Variants in ANKRD18B observed in about 807,000 individuals in gnomAD.
The protein encoded by ANKRD18B is ankyrin repeat domain-containing protein 18B.
Under a neutral mutation model 111.8 loss-of-function variants are expected in ANKRD18B, and 75 were observed. The observed-to-expected ratio is 0.67, with a 90% CI of 0.56 to 0.81. ANKRD18B has a LOEUF of 0.81. Ranked by LOEUF, ANKRD18B falls within the 40% of genes least tolerant of loss-of-function variation. The pLI is 0.00. For synonymous variants in ANKRD18B, 356 were observed against 417.3 expected, an observed-to-expected ratio of 0.85 and a Z score of 1.79; for missense variants, 1,038 against 1,225.5, an observed-to-expected ratio of 0.85 and a Z score of 2.28.
In ANKRD18B at chr9:33,541,159, T is replaced by C; in HGVS notation, c.1010T>C (p.Met337Thr). Residue 337 changes from methionine (M) to threonine (T), a missense_variant, in exon 9 of 19, where the codon ATG becomes ACG. Met to Thr is a moderately conservative substitution (Grantham distance 81, BLOSUM62 -1). Around this residue, in one of 4 missense-constraint regions of ANKRD18B, gnomAD observed 93 missense variants for 141.3 expected, o/e 0.66. Coordinates refer to ENST00000684830, the MANE Select transcript of ANKRD18B (RefSeq NM_001393611.1). ...HMRPCPETAAMKPENLKKRKK... is the reference protein window; with the variant it reads ...HMRPCPETAATKPENLKKRKK... ...GCGTGTTTGACAGAAACAGCAGCTA[T>C]GAAGCCTGAAAATTTGAAAAAAAGA... is the stretch of plus-strand genomic sequence containing the variant. 6.5e-7 allele frequency: 1 copy of C among 1,542,318 alleles called. No individual in the cohort carries two copies. The highest frequency in any genetic ancestry group is 8.7e-7 in the Non-Finnish European group (1 of 1,144,862).
At chr9:33,535,750 TTTATATTTAATATTTATA>T in intron 5 of ANKRD18B, among the ~76,000 whole-genome samples, 1 of 145,816 alleles carries the variant, frequency 6.9e-6, no homozygotes, top group East Asian at 2.0e-4. Flanking sequence ...ATTTTATATT[TTTATATTTAATATTTATA>T]TTATCATTAT....
chr9:33,559,290 GA>G (rs1828572483), intron 14 of ANKRD18B, among the ~76,000 whole-genome samples: 1 of 152,156 alleles, frequency 6.6e-6, no homozygotes, highest in Non-Finnish European at 1.5e-5. Context: ...ACTTCTTACA[GA>G]TGCAAATTCC....
chr9:33,534,471 C>T lies in ANKRD18B; in HGVS notation c.704C>T (p.Thr235Ile). Reference protein sequence around the residue: ...HISSQDMFGQTAEDYAFCCDL... With the variant: ...HISSQDMFGQIAEDYAFCCDL... The stretch of plus-strand genomic sequence containing the variant: ...TCTTCTCAAGACATGTTTGGCCAAA[C>T]TGCCGAGGATTATGCTTTTTGTTGT... Residue 235 changes from threonine (T) to isoleucine (I), a missense_variant, in exon 5 of 19, where the codon ACT becomes ATT. Thr to Ile is a moderately conservative substitution (Grantham distance 89). Transcript: ENST00000684830. 3 of 1,550,284 alleles carry T rather than the reference C, an allele frequency of 1.9e-6. No homozygotes were observed. Among genetic ancestry groups the T allele is most frequent in the Non-Finnish European group, 1.7e-6 (2 of 1,146,628 alleles).
intron 1 of ANKRD18B, among the ~76,000 whole-genome samples, chr9:33,525,403 A>G (rs1159700232): frequency 6.6e-6 from 1 of 152,240 alleles, no homozygotes; most frequent in Non-Finnish European, 1.5e-5. Flanking sequence ...TAAGATATAT[A>G]CATAGGGATT....
At chr9:33,559,680 C>T (rs1358901544) in intron 14 of ANKRD18B, among the ~76,000 whole-genome samples, 1 of 152,024 alleles carries the variant, frequency 6.6e-6, no homozygotes, top group Non-Finnish European at 1.5e-5. Context: ...ATATATTTTT[C>T]TATACAAAAG....
intron 18 of ANKRD18B, 62 bp from the exon 19 acceptor site, chr9:33,572,254 C>A (rs1351174089): frequency 2.3e-6 from 3 of 1,326,916 alleles, no homozygotes; most frequent in Admixed American, 3.8e-5. Context: ...ACATTTTAAA[C>A]TTACACTTCG....
At chr9:33,555,073 C>A (rs1304972029) in intron 12 of ANKRD18B, among the ~76,000 whole-genome samples, 1 of 145,302 alleles carries the variant, frequency 6.9e-6, no homozygotes, top group Non-Finnish European at 1.5e-5. Flanking sequence ...CTGGATGAGA[C>A]CCTGTGTCAT....
intron 1 of ANKRD18B, 108 bp downstream of exon 1, chr9:33,524,803 C>A: frequency 7.7e-7 from 1 of 1,305,972 alleles, no homozygotes; most frequent in Non-Finnish European, 1.0e-6. Flanking sequence ...GCCGCGGAGC[C>A]AAATGGAGCC....
chr9:33,535,824 A>G (rs1828192864), intron 5 of ANKRD18B, among the ~76,000 whole-genome samples: 1 of 146,842 alleles, frequency 6.8e-6, no homozygotes, highest in Non-Finnish European at 1.5e-5. Context: ...TATATATTAT[A>G]TATAGATTAT....
rs550048049 is a variant in ANKRD18B at position 33,554,557 on chromosome 9, C to T, written c.2218-1151C>T. On this transcript the variant is annotated intron_variant, in intron 12 of 18. Transcript: ENST00000684830. ...GTGGCTCACGCCTGTAATTTCAGCA[C>T]TTTGAGAGGCCGAGGAGGGCAGATC... Among the ~76,000 whole-genome samples the T allele has an allele frequency of 1.3e-4, 20 of 152,238 alleles. No individual in the cohort carries two copies. The East Asian group carries it at 3.7e-3, about 28-fold the overall frequency.
At chr9:33,538,140 G>A (rs548561817) in intron 6 of ANKRD18B, among the ~76,000 whole-genome samples, 4 of 152,264 alleles carry the variant, frequency 2.6e-5, no homozygotes, top group Middle Eastern at 3.4e-3. Flanking sequence ...TTAGAACTAG[G>A]AATTCAACAA....
intron 3 of ANKRD18B, among the ~76,000 whole-genome samples, chr9:33,530,411 G>A (rs1828094581): frequency 6.6e-6 from 1 of 151,784 alleles, no homozygotes; most frequent in Non-Finnish European, 1.5e-5. Context: ...TTTGAGTCCA[G>A]CCTGAGGCGG....
chr9:33,565,551 AACTCTGGG>A (rs1198572338), intron 14 of ANKRD18B, among the ~76,000 whole-genome samples: 2 of 152,152 alleles, frequency 1.3e-5, no homozygotes, highest in Non-Finnish European at 2.9e-5. Context: ...TGCAGCCCTG[AACTCTGGG>A]TACAAGCCAT....
chr9:33,563,517 G>A (rs1454071682), intron 14 of ANKRD18B, among the ~76,000 whole-genome samples: 1 of 151,110 alleles, frequency 6.6e-6, no homozygotes, highest in African/African-American at 2.4e-5. Context: ...GGCTGAGTTC[G>A]AAGGGAAAGC....
intron 12 of ANKRD18B, among the ~76,000 whole-genome samples, chr9:33,552,521 C>A (rs1232086514): frequency 1.3e-5 from 2 of 152,168 alleles, no homozygotes; most frequent in East Asian, 1.9e-4. Context: ...CCTGTCTCTG[C>A]TGGTCATGTC....
In ANKRD18B at chr9:33,566,499, A is replaced by G; in HGVS notation, c.2741A>G (p.Gln914Arg). The part of the protein sequence containing the change: ...AIEKLEEIHL[Q>R]KQAEYEKQLE... Reference sequence around the variant, plus strand: ...GAAAAATTAGAAGAAATCCATTTACAGGTTAGTTTTTAAAATCAGGTAAGT... The same window carrying G: ...GAAAAATTAGAAGAAATCCATTTACGGGTTAGTTTTTAAAATCAGGTAAGT... The change falls in exon 15 of 19, where the codon CAG (glutamine) becomes CGG (arginine). Residue 914 changes from glutamine (Q) to arginine (R), a missense_variant and splice_region_variant. Transcript: ENST00000684830. 1 of 1,602,224 alleles carries G rather than the reference A, an allele frequency of 6.2e-7. No individual in the cohort carries two copies. The highest frequency in any genetic ancestry group is 8.5e-7 in the Non-Finnish European group (1 of 1,177,652).
rs1304060265 is a variant in ANKRD18B at position 33,567,288 on chromosome 9, C to T, written c.2928C>T (p.Asn976=). 3.2e-6 allele frequency: 5 copies of T among 1,545,364 alleles called. No individual in the cohort carries two copies. The highest frequency in any genetic ancestry group is 2.8e-5 in the African/African-American group (2 of 72,682). ...KEAFAVALKA[N]SSMSEKITKS... ...CCTTTGCAGTAGCATTGAAAGCTAA[C>T]AGTTCCATGTCAGAAAAAATAACGA... Residue 976 remains asparagine, a synonymous_variant, in exon 16 of 19, where the codon AAC becomes AAT. Transcript: ENST00000684830.
At chr9:33,550,336 T>C in intron 11 of ANKRD18B, 94 bp from the exon 12 acceptor site, 4 of 1,252,746 alleles carry the variant, frequency 3.2e-6, no homozygotes, top group Non-Finnish European at 4.3e-6. Flanking sequence ...GTGTGTGTGG[T>C]AATAATTTTC....
intron 10 of ANKRD18B, among the ~76,000 whole-genome samples, chr9:33,545,853 G>GA (rs898654183): frequency 2.4e-4 from 36 of 152,286 alleles, no homozygotes; most frequent in Non-Finnish European, 4.4e-4. Context: ...TTCTACTCAA[G>GA]AAAATCTCAC....
Sources: allele counts gnomAD v4.1 joint callset (sites outside exome capture counted in the v4.1 genomes callset), GRCh38; gene constraint gnomAD v4.1.1; regional missense constraint gnomAD v4.1.1; transcripts MANE v1.5; gene names NCBI Gene and HGNC (gene_info 2026-07-23, HGNC 2026-07-21).